Variants in COPB2 observed in about 807,000 individuals in gnomAD.
The protein encoded by COPB2 is coatomer subunit beta'.
A neutral mutation model predicts 120.8 loss-of-function variants in COPB2; 16 were observed. That is an observed-to-expected ratio of 0.13 (90% CI 0.09 to 0.20). The LOEUF (loss-of-function observed/expected upper bound fraction) is 0.20, where lower values mean the gene tolerates loss of function less well. Among genes scored for constraint, COPB2 ranks in the 10% least tolerant of loss-of-function variants. The probability of loss-of-function intolerance (pLI) is 1.00; values close to 1 mark genes in which losing one functional copy is unlikely to be tolerated. For synonymous variants in COPB2, 332 were observed against 366.3 expected (o/e 0.91, Z 1.07); for missense variants, 794 against 1,076.5 (o/e 0.74, Z 3.67).
Position 139,362,497 on chromosome 3 carries a change from A to G in COPB2, c.1905T>C (p.Leu635=). 3 of 1,608,464 alleles carry G rather than the reference A, an allele frequency of 1.9e-6. No homozygotes were observed. The highest frequency in any genetic ancestry group is 2.5e-6 in the Non-Finnish European group (3 of 1,177,698). The change falls in exon 16 of 22, where the codon CTT becomes CTC. Residue 635 remains leucine (L), a synonymous_variant. Transcript: ENST00000333188. ...GATGCTCAGGATCTGTGGATACTGTAAGAGCTTGCTGCTTGAAGCCCTAAA... is the reference window on the plus strand; with the variant it reads ...GATGCTCAGGATCTGTGGATACTGTGAGAGCTTGCTGCTTGAAGCCCTAAA... ...LEKQGFKQQA[L]TVSTDPEHRF... is the part of the protein sequence containing the mutation.
intron 15 of COPB2, among the ~76,000 whole-genome samples, 178 bp from the exon 16 acceptor site, chr3:139,362,695 A>G (rs1481477614): frequency 6.6e-6 from 1 of 152,182 alleles, no homozygotes; most frequent in African/African-American, 2.4e-5. Context: ...GGAGTCATTA[A>G]AGGAAGTGGT....
intron 9 of COPB2, 81 bp from the exon 10 acceptor site, chr3:139,371,914 G>T: frequency 2.1e-6 from 2 of 950,776 alleles, no homozygotes; most frequent in South Asian, 1.6e-5. Flanking sequence ...TCATGTTATG[G>T]TAAAAGAATT....
intron 1 of COPB2, among the ~76,000 whole-genome samples, chr3:139,388,666 C>G (rs187499357): frequency 7.0e-6 from 1 of 142,544 alleles, no homozygotes; most frequent in South Asian, 2.2e-4. Flanking sequence ...CTTGCTCTGT[C>G]CCAGGCTGGA....
chr3:139,384,038 C>T (rs980575720), intron 1 of COPB2, among the ~76,000 whole-genome samples: 2 of 152,108 alleles, frequency 1.3e-5, no homozygotes, highest in Non-Finnish European at 2.9e-5. Flanking sequence ...CTCACAGATA[C>T]CTAGTTGGAA....
chr3:139,387,962 G>C (rs1239745675), intron 1 of COPB2, among the ~76,000 whole-genome samples: 1 of 152,174 alleles, frequency 6.6e-6, no homozygotes, highest in Non-Finnish European at 1.5e-5. Flanking sequence ...GTTTAGCAAA[G>C]TGCATGGCAG....
chr3:139,381,705 T>C (rs1208206187), intron 2 of COPB2: 1 of 152,054 alleles, frequency 6.6e-6, no homozygotes, highest in Non-Finnish European at 1.5e-5. Flanking sequence ...AGCAGAGATA[T>C]ATTACAATAA....
chr3:139,380,489 G>C (rs180795878), intron 2 of COPB2: 1 of 152,118 alleles, frequency 6.6e-6, no homozygotes, highest in Non-Finnish European at 1.5e-5. Flanking sequence ...ATAGGATAAA[G>C]GTAGAGACCC....
At chr3:139,387,238 AGAAG>A (rs1186070546) in intron 1 of COPB2, among the ~76,000 whole-genome samples, 1 of 151,756 alleles carries the variant, frequency 6.6e-6, no homozygotes, top group African/African-American at 2.4e-5. Flanking sequence ...AAAGAAGGAA[AGAAG>A]GAAGTAAGGA....
Position 139,373,706 on chromosome 3 carries a change from T to G in COPB2, c.854A>C (p.Asn285Thr). 1 of 1,614,154 alleles carries G rather than the reference T, an allele frequency of 6.2e-7. No homozygotes were observed. The highest frequency in any genetic ancestry group is 8.5e-7 in the Non-Finnish European group (1 of 1,180,000). ...CCCTTCATCATAGCCCAAAGCGACA[T>G]TGTTTGACCCTCTTAGACTGGCCAC... ...WCVASLRGSN[N>T]VALGYDEGSI... Residue 285 changes from asparagine to threonine, a missense_variant, in exon 8 of 22, where the codon AAT becomes ACT. Asn to Thr is a moderately conservative substitution (Grantham distance 65). Transcript: ENST00000333188.
chr3:139,361,809 G>A (rs1289781872), intron 16 of COPB2, among the ~76,000 whole-genome samples: 1 of 152,040 alleles, frequency 6.6e-6, no homozygotes, highest in African/African-American at 2.4e-5. Flanking sequence ...TGAAACAATT[G>A]GGAGCCTCAA....
chr3:139,379,179 A>C lies in COPB2; in HGVS notation c.229-6T>G, dbSNP rs1341150163. Reference sequence around the variant, plus strand: ...ACTCTAATCTGCATGTCATCCTAGAAACAGAAATTTTAAAACCATCATCCC... The same window carrying C: ...ACTCTAATCTGCATGTCATCCTAGACACAGAAATTTTAAAACCATCATCCC... On this transcript the variant is annotated splice_polypyrimidine_tract_variant and splice_region_variant and intron_variant, in intron 3 of 21. Coordinates refer to ENST00000333188, the MANE Select transcript of COPB2 (RefSeq NM_004766.3). The C allele has an allele frequency of 6.3e-7, 1 of 1,584,284 alleles. No individual in the cohort carries two copies. Among genetic ancestry groups the C allele is most frequent in the Non-Finnish European group, 8.5e-7 (1 of 1,170,014 alleles).
intron 15 of COPB2, among the ~76,000 whole-genome samples, chr3:139,362,918 T>C (rs947095725): frequency 2.0e-5 from 3 of 152,234 alleles, no homozygotes; most frequent in Admixed American, 1.3e-4. Flanking sequence ...AACTTAGCTG[T>C]TGGTAATCTA....
chr3:139,362,308 G>T, intron 16 of COPB2, 99 bp downstream of exon 16: 1 of 641,556 alleles, frequency 1.6e-6, no homozygotes, highest in Non-Finnish European at 2.5e-6. Flanking sequence ...CCACTAATTT[G>T]CATTTGGGAA....
rs772996738 is a variant in COPB2, at chr3:139,359,364, T to TA, written c.2211-3dup. The TA allele has an allele frequency of 2.5e-6, 4 of 1,612,148 alleles. No homozygotes were observed. In the East Asian group the frequency reaches 8.9e-5, roughly 36 times the overall value. On this transcript the variant is annotated splice_region_variant and splice_polypyrimidine_tract_variant and intron_variant, in intron 17 of 21. Coordinates refer to ENST00000333188, the MANE Select transcript of COPB2 (RefSeq NM_004766.3). ...AAGAGCTCTAGGCAGGCATCAACCC[T>TA]AAACATTAAAAAGGAGAGGTACTGT...
In COPB2 at chr3:139,367,084, T is replaced by A. The variant is rs1360666960; in HGVS notation, c.1607A>T (p.Tyr536Phe). The part of the protein sequence containing the change: ...TGLWVGDCFI[Y>F]TSSVNRLNYY... ...ATTTAATCTGTTCACAGAACTTGTGTAAATGAAGCAATCGCCTACCCAAAG... is the reference window on the plus strand; with the variant it reads ...ATTTAATCTGTTCACAGAACTTGTGAAAATGAAGCAATCGCCTACCCAAAG... Residue 536 changes from tyrosine to phenylalanine, a missense_variant, in exon 14 of 22, where the codon TAC becomes TTC. Transcript: ENST00000333188. The A allele has an allele frequency of 6.2e-7, 1 of 1,613,872 alleles. No individual in the cohort carries two copies. The highest frequency in any genetic ancestry group is 8.5e-7 in the Non-Finnish European group (1 of 1,179,930).
intron 4 of COPB2, among the ~76,000 whole-genome samples, chr3:139,378,490 G>C (rs979706119): frequency 2.6e-5 from 4 of 152,156 alleles, no homozygotes; most frequent in Non-Finnish European, 5.9e-5. Context: ...ATATAAGTTT[G>C]ACTAGATCTA....
Position 139,367,008 on chromosome 3 carries a change from C to T in COPB2, c.1676+7G>A. On this transcript the variant is annotated splice_region_variant and intron_variant, in intron 14 of 21. Coordinates refer to ENST00000333188, the MANE Select transcript of COPB2 (RefSeq NM_004766.3). ...TTTAGGACAAATGCAAAATGATACT[C>T]AGGTACCTGTCCAAGTGGGCAATGG... 1 of 1,605,564 alleles carries T rather than the reference C, an allele frequency of 6.2e-7. No individual in the cohort carries two copies. Among genetic ancestry groups the T allele is most frequent in the South Asian group, 1.1e-5 (1 of 88,794 alleles).
In COPB2 at chr3:139,360,191, G is replaced by GT. The variant is rs1941385613; in HGVS notation, c.2211-830dup. 1.3e-4 allele frequency among the ~76,000 whole-genome samples: 4 copies of GT among 30,580 alleles called. No homozygotes were observed. The South Asian group carries it at 4.8e-3, about 37-fold the overall frequency. 20.1% of individuals were successfully genotyped at this position (30,580 alleles called of 152,430 possible). A position where few individuals can be genotyped will look rare whatever the true frequency, so the allele number is the denominator to read the frequency against. On this transcript the variant is annotated intron_variant, in intron 17 of 21. Coordinates refer to ENST00000333188, the MANE Select transcript of COPB2 (RefSeq NM_004766.3). ...AAGTTATATGGCGAAGTATGGGATT[G>GT]TAAAAAAAAAAAAAAATCAGTATGT...
At chr3:139,369,232 C>G in intron 12 of COPB2, 29 bp downstream of exon 12, 1 of 1,572,102 alleles carries the variant, frequency 6.4e-7, no homozygotes, top group Non-Finnish European at 8.7e-7. Context: ...AATAAATATT[C>G]CAAAAACAAC....
Sources: allele counts gnomAD v4.1 joint callset (sites outside exome capture counted in the v4.1 genomes callset), GRCh38; gene constraint gnomAD v4.1.1; transcripts MANE v1.5; gene names NCBI Gene and HGNC (gene_info 2026-07-23, HGNC 2026-07-21).